MYO19: variants seen among roughly 807,000 people sequenced by gnomAD.
MYO19 encodes the protein unconventional myosin-XIX.
In MYO19, 132 loss-of-function variants were observed where a neutral mutation model predicts 129.2. That is an observed-to-expected ratio of 1.02 (90% CI 0.89 to 1.18). The LOEUF (loss-of-function observed/expected upper bound fraction) is 1.18, where lower values mean the gene tolerates loss of function less well. Among genes scored for constraint, MYO19 ranks in the 50% most tolerant of loss-of-function variants. The pLI is 0.00. For missense variants in MYO19, 1,210 were observed against 1,216.7 expected, an observed-to-expected ratio of 0.99 and a Z score of 0.08; for synonymous variants, 531 against 477.2, an observed-to-expected ratio of 1.11 and a Z score of -1.47.
At chr17:36,537,874 TAA>T (rs781551274), upstream of MYO19, 2 of 1,614,006 alleles carry the variant, frequency 1.2e-6, no homozygotes, top group African/African-American at 2.7e-5. Flanking sequence ...ATTTTTCCCC[TAA>T]ATAAGTCCTG....
intron 3 of MYO19, among the ~76,000 whole-genome samples, chr17:36,528,751 GAAGAA>G (rs1230946614): frequency 3.9e-5 from 6 of 152,102 alleles, no homozygotes; most frequent in Admixed American, 3.9e-4. Flanking sequence ...AGGTTATTGG[GAAGAA>G]AAGAAGAGAT....
chr17:36,507,666 A>G (rs1265772677), intron 15 of MYO19, 137 bp downstream of exon 15: 1 of 1,254,272 alleles, frequency 8.0e-7, no homozygotes, highest in Non-Finnish European at 1.1e-6. Flanking sequence ...CCATATGTGC[A>G]ATTATTATTT....
At chr17:36,536,495 C>T (rs909300937), upstream of MYO19, among the ~76,000 whole-genome samples, 2 of 151,366 alleles carry the variant, frequency 1.3e-5, no homozygotes, top group Admixed American at 6.6e-5. Context: ...ATCCCAAATT[C>T]GCTCTCTTTT....
chr17:36,542,774 C>A (rs1030148473), intron 1 of MYO19, among the ~76,000 whole-genome samples: 1 of 151,856 alleles, frequency 6.6e-6, no homozygotes, highest in Non-Finnish European at 1.5e-5. Context: ...TACTGAAGGC[C>A]ACAGTATCTT....
At chr17:36,528,256 C>A in intron 3 of MYO19, 54 bp from the exon 4 acceptor site, 1 of 1,526,418 alleles carries the variant, frequency 6.6e-7, no homozygotes, top group Non-Finnish European at 8.9e-7. Context: ...TGCCTATAAT[C>A]CCAGCACTCT....
chr17:36,499,859 G>GTTTT (rs1173634479), intron 23 of MYO19: 2 of 115,620 alleles, frequency 1.7e-5, no homozygotes, highest in African/African-American at 5.6e-5. Context: ...ATTATGTTTT[G>GTTTT]TTGTTTTTTT....
At chr17:36,534,280 C>T (rs2073994582) in intron 1 of MYO19, 176 bp from the exon 2 acceptor site, 7 of 152,232 alleles carry the variant, frequency 4.6e-5, no homozygotes, top group Admixed American at 4.6e-4. Flanking sequence ...GGCTCCGCCC[C>T]CAGGTTCCCG....
At chr17:36,497,603 T>TA (rs938981222) in intron 25 of MYO19, 25 of 864,402 alleles carry the variant, frequency 2.9e-5, no homozygotes, top group Non-Finnish European at 3.3e-5. Context: ...TTTTTTTTTT[T>TA]AGATGGACTC....
At position 36,507,620 on chromosome 17, in the gene MYO19, A is replaced by G. The variant is rs147968022; in HGVS notation, c.1354-108T>C. ...CACAGCGTATTCCAGAACAGCATCA[A>G]AGAAACAAAAGTATATCAAAACATT... On this transcript the variant is annotated intron_variant, in intron 15 of 25. Coordinates refer to ENST00000614623, the MANE Select transcript of MYO19 (RefSeq NM_001163735.2). 54 of 1,351,254 alleles carry G rather than the reference A, an allele frequency of 4.0e-5. No homozygotes were observed. In the East Asian group the frequency reaches 1.3e-3, roughly 31 times the overall value. The allele number at this position is 1,351,254 out of a possible 1,614,324, so 83.7% of individuals were successfully genotyped here.
chr17:36,521,608 A>G (rs2073133172), intron 6 of MYO19, among the ~76,000 whole-genome samples: 1 of 152,204 alleles, frequency 6.6e-6, no homozygotes, highest in African/African-American at 2.4e-5. Flanking sequence ...AAAGACCCAC[A>G]CAAAGTACCC....
chr17:36,513,009 C>T, intron 11 of MYO19: 1 of 918,226 alleles, frequency 1.1e-6, no homozygotes, highest in Non-Finnish European at 1.4e-6. Context: ...CGTCACTTTA[C>T]CTCTCTGGTT....
intron 2 of MYO19, 31 bp from the exon 3 acceptor site, chr17:36,532,712 A>T (rs1567797883): frequency 7.9e-6 from 6 of 759,602 alleles, no homozygotes; most frequent in Non-Finnish European, 1.3e-5. Flanking sequence ...CAAGGACCAC[A>T]CACAGGTGAG....
In MYO19 at chr17:36,515,758, C is replaced by G. The variant is rs976520792; in HGVS notation, c.547+100G>C. ...GAAGGATACACTCATCCTCCACCCC[C>G]ACCCAAGAGAGGGTCTCAAAGCACT... On this transcript the variant is annotated intron_variant, in intron 7 of 25. Coordinates refer to ENST00000614623, the MANE Select transcript of MYO19 (RefSeq NM_001163735.2). 122 of 1,350,492 alleles carry G rather than the reference C, an allele frequency of 9.0e-5. 1 individual carries two copies. The highest frequency in any genetic ancestry group is 2.1e-4 in the Middle Eastern group (1 of 4,766). 83.7% of individuals were successfully genotyped at this position (1,350,492 alleles called of 1,614,324 possible). A position where few individuals can be genotyped will look rare whatever the true frequency, so the allele number is the denominator to read the frequency against.
intron 5 of MYO19, among the ~76,000 whole-genome samples, chr17:36,526,773 G>A (rs1040364441): frequency 6.0e-4 from 92 of 152,268 alleles, no homozygotes; most frequent in Middle Eastern, 3.4e-3. Context: ...TGTAGTCCCA[G>A]CTACTCGGGA....
chr17:36,544,430 C>T (rs1231526586), upstream of MYO19, among the ~76,000 whole-genome samples: 1 of 152,298 alleles, frequency 6.6e-6, no homozygotes, highest in East Asian at 1.9e-4. Context: ...GAGTTTGTCT[C>T]TCACCCCCCG....
chr17:36,501,207 C>G lies in MYO19; in HGVS notation c.2109G>C (p.Thr703=). Residue 703 remains threonine (T), a synonymous_variant, in exon 22 of 26, where the codon ACG becomes ACC. Coordinates refer to ENST00000614623, the MANE Select transcript of MYO19 (RefSeq NM_001163735.2). ...GAATGTCCTGGATGAGAGGTTCAAGCGTGGCTTCCTCGCTGTGTGGACACC... is the reference window on the plus strand; with the variant it reads ...GAATGTCCTGGATGAGAGGTTCAAGGGTGGCTTCCTCGCTGTGTGGACACC... ...PEWCPHSEEA[T]LEPLIQDILH... is the part of the protein sequence containing the mutation. 1 of 1,613,424 alleles carries G rather than the reference C, an allele frequency of 6.2e-7. No individual in the cohort carries two copies. Among genetic ancestry groups the G allele is most frequent in the Non-Finnish European group, 8.5e-7 (1 of 1,179,528 alleles).
chr17:36,503,005 T>G, intron 21 of MYO19, 92 bp downstream of exon 21: 1 of 1,065,168 alleles, frequency 9.4e-7, no homozygotes, highest in African/African-American at 1.6e-5. Flanking sequence ...TATTCACCAG[T>G]AAGCCCCAGC....
At chr17:36,541,526 T>A (rs1357218747) in intron 2 of MYO19, among the ~76,000 whole-genome samples, 2 of 152,154 alleles carry the variant, frequency 1.3e-5, no homozygotes, top group Non-Finnish European at 2.9e-5. Context: ...GTGGCTAGCG[T>A]CTCACACATT....
chr17:36,516,546 A>G (rs1205874035), intron 6 of MYO19, among the ~76,000 whole-genome samples: 1 of 152,174 alleles, frequency 6.6e-6, no homozygotes, highest in African/African-American at 2.4e-5. Context: ...AATTTTTTAC[A>G]TCTTTAGTAA....
Sources: gnomAD v4.1 joint callset for allele counts (sites outside exome capture counted in the v4.1 genomes callset) on GRCh38, gnomAD v4.1.1 for gene constraint, MANE v1.5 for transcripts, NCBI Gene and HGNC (gene_info 2026-07-23, HGNC 2026-07-21) for gene names.